RPS6KC1: variants seen among roughly 807,000 people sequenced by gnomAD.
The protein encoded by RPS6KC1 is inactive ribosomal protein S6 kinase delta-1.
In RPS6KC1, 54 loss-of-function variants were observed where a neutral mutation model predicts 103.8. The ratio of observed to expected loss-of-function variants is 0.52; its 90% CI spans 0.42 to 0.65. RPS6KC1 has a LOEUF of 0.65. Among genes scored for constraint, RPS6KC1 ranks in the 30% least tolerant of loss-of-function variants. The pLI, the probability that RPS6KC1 is intolerant of heterozygous loss-of-function variation, is 0.00. For synonymous variants in RPS6KC1, 439 were observed against 438.7 expected, an observed-to-expected ratio of 1.00 and a Z score of -0.01; for missense variants, 1,151 against 1,253.8, an observed-to-expected ratio of 0.92 and a Z score of 1.24.
Position 213,241,095 on chromosome 1 carries a change from A to G in RPS6KC1, c.1619A>G (p.Asn540Ser), listed in dbSNP as rs770886352. 29 of 1,613,584 alleles carry G rather than the reference A, an allele frequency of 1.8e-5. No homozygotes were observed. Among genetic ancestry groups the G allele is most frequent in the Admixed American group, 8.3e-5 (5 of 59,910 alleles). The change falls in exon 11 of 15, where the codon AAT becomes AGT. Residue 540 changes from asparagine (N) to serine (S), a missense_variant. This residue lies in a region of RPS6KC1 where 959 missense variants were observed against 1,006.3 expected (regional missense o/e 0.95). Transcript: ENST00000366960. ...GAGCCCTTCATGAAGACTGAAGGGA[A>G]TGGTGTTGATACAAAAGCTATTAAA... ...NEEPFMKTEG[N>S]GVDTKAIKSF...
chr1:213,830,261 T>C, the RPS6KC1 span, among the ~76,000 whole-genome samples: 1 of 152,164 alleles, frequency 6.6e-6, no homozygotes, highest in African/African-American at 2.4e-5. Flanking sequence ...TTATGGCTCA[T>C]CATAAAGAAA....
At chr1:213,420,984 A>AAGG in the RPS6KC1 span, among the ~76,000 whole-genome samples, 1 of 152,176 alleles carries the variant, frequency 6.6e-6, no homozygotes, top group Non-Finnish European at 1.5e-5. Context: ...CCCTTCTGAT[A>AAGG]AGGACACCAG....
At chr1:213,360,614 T>C in the RPS6KC1 span, among the ~76,000 whole-genome samples, 13 of 152,188 alleles carry the variant, frequency 8.5e-5, no homozygotes, top group African/African-American at 3.1e-4. Flanking sequence ...CTGCGTTCCT[T>C]TGGAGGAGGA....
At chr1:213,281,645 G>A in the RPS6KC1 span, among the ~76,000 whole-genome samples, 230 of 152,332 alleles carry the variant, frequency 1.5e-3, no homozygotes, top group Non-Finnish European at 2.6e-3. Context: ...GGGAGCGACA[G>A]CCATCCTGAT....
In RPS6KC1 at chr1:213,151,932, C is replaced by T. The variant is rs865937205; in HGVS notation, c.836-15926C>T. 3.3e-3 allele frequency among the ~76,000 whole-genome samples: 379 copies of T among 113,592 alleles called. 10 individuals are homozygous for T. The highest frequency in any genetic ancestry group is 0.011 in the African/African-American group (301 of 28,266). 74.5% of individuals were successfully genotyped at this position (113,592 alleles called of 152,430 possible). ...GGCGGCTGGCCGGGCGGGGGGCTGA[C>T]CCCCCCACCTCCCTCCCGGATGGGG... is the stretch of plus-strand genomic sequence containing the variant. On this transcript the variant is annotated intron_variant, in intron 6 of 14. Coordinates refer to ENST00000366960, the MANE Select transcript of RPS6KC1 (RefSeq NM_012424.6).
chr1:213,214,463 G>C (rs891984138), intron 8 of RPS6KC1, among the ~76,000 whole-genome samples: 1 of 152,190 alleles, frequency 6.6e-6, no homozygotes, highest in African/African-American at 2.4e-5. Context: ...GGGCATAGCC[G>C]AACAAAAGGC....
At chr1:213,809,092 A>G in the RPS6KC1 span, among the ~76,000 whole-genome samples, 2 of 152,178 alleles carry the variant, frequency 1.3e-5, no homozygotes, top group South Asian at 4.1e-4. Flanking sequence ...ACTAAACTTT[A>G]TTATTTCTAG....
At chr1:213,436,766 T>G in the RPS6KC1 span, among the ~76,000 whole-genome samples, 1 of 152,192 alleles carries the variant, frequency 6.6e-6, no homozygotes, top group Non-Finnish European at 1.5e-5. Flanking sequence ...AAATTTTGGT[T>G]GTTTTCATAA....
chr1:213,218,358 A>G (rs550460230), intron 8 of RPS6KC1, among the ~76,000 whole-genome samples: 13 of 152,226 alleles, frequency 8.5e-5, no homozygotes, highest in Non-Finnish European at 1.6e-4. Context: ...CCACTGCTCA[A>G]TGAAATAAAA....
chr1:213,170,217 T>C (rs1487758393), intron 7 of RPS6KC1, among the ~76,000 whole-genome samples: 1 of 152,238 alleles, frequency 6.6e-6, no homozygotes, highest in Non-Finnish European at 1.5e-5. Flanking sequence ...CCTATAGGCA[T>C]ATCTATGAAG....
At chr1:213,242,375 T>G (rs767803207) in intron 11 of RPS6KC1, 78 bp downstream of exon 11, 7 of 1,495,636 alleles carry the variant, frequency 4.7e-6, no homozygotes, top group Non-Finnish European at 6.5e-6. Flanking sequence ...TATCTTGTAA[T>G]TAGTATCTTC....
intron 8 of RPS6KC1, among the ~76,000 whole-genome samples, chr1:213,229,831 G>A (rs963846837): frequency 3.3e-5 from 5 of 152,160 alleles, no homozygotes; most frequent in Non-Finnish European, 5.9e-5. Flanking sequence ...AACCCTGGCC[G>A]CTGTTTTGAG....
chr1:213,716,990 T>C, the RPS6KC1 span, among the ~76,000 whole-genome samples: 2 of 152,236 alleles, frequency 1.3e-5, no homozygotes, highest in South Asian at 2.1e-4. Flanking sequence ...CCAAAATTTA[T>C]AGGCTCAGAA....
At chr1:213,562,391 T>G in the RPS6KC1 span, among the ~76,000 whole-genome samples, 3 of 53,358 alleles carry the variant, frequency 5.6e-5, no homozygotes, top group South Asian at 8.2e-4. Flanking sequence ...TTTTTTTTTT[T>G]TTTTTTTTTT....
chr1:213,503,489 A>G, the RPS6KC1 span, among the ~76,000 whole-genome samples: 4 of 152,276 alleles, frequency 2.6e-5, no homozygotes, highest in South Asian at 2.1e-4. Context: ...TGTAGCAGTC[A>G]CTGCTGTCTC....
At chr1:213,743,171 T>TGTGG in the RPS6KC1 span, among the ~76,000 whole-genome samples, 3 of 151,694 alleles carry the variant, frequency 2.0e-5, no homozygotes. Context: ...ATAAAGAAAA[T>TGTGG]GTGGTACATC....
Position 213,070,993 on chromosome 1 carries a change from T to C in RPS6KC1, c.106-13T>C. The C allele has an allele frequency of 6.7e-7, 1 of 1,488,096 alleles. No homozygotes were observed. The highest frequency in any genetic ancestry group is 2.4e-5 in the East Asian group (1 of 42,290). 92.2% of individuals were successfully genotyped at this position (1,488,096 alleles called of 1,614,324 possible). A position where few individuals can be genotyped will look rare whatever the true frequency, so the allele number is the denominator to read the frequency against. Reference sequence around the variant, plus strand: ...GATAATGATTAGAGATTTCTATGTATGTTTTGTTTTAGGTTGTTTCACGAA... The same window carrying C: ...GATAATGATTAGAGATTTCTATGTACGTTTTGTTTTAGGTTGTTTCACGAA... On this transcript the variant is annotated splice_polypyrimidine_tract_variant and intron_variant, in intron 1 of 14. Coordinates refer to ENST00000366960, the MANE Select transcript of RPS6KC1 (RefSeq NM_012424.6).
chr1:213,358,424 G>A, the RPS6KC1 span, among the ~76,000 whole-genome samples: 368 of 152,332 alleles, frequency 2.4e-3, 2 homozygotes, highest in African/African-American at 8.6e-3. Context: ...TTTGCATAGA[G>A]GTGTTTATAG....
At chr1:213,771,103 C>T in the RPS6KC1 span, among the ~76,000 whole-genome samples, 1 of 148,364 alleles carries the variant, frequency 6.7e-6, no homozygotes, top group South Asian at 2.2e-4. Flanking sequence ...TTTCTTTGTT[C>T]CTTAGTCTCC....
Sources: gnomAD v4.1 joint callset for allele counts (sites outside exome capture counted in the v4.1 genomes callset) on GRCh38, gnomAD v4.1.1 for gene constraint, gnomAD v4.1.1 regional missense constraint, MANE v1.5 for transcripts, NCBI Gene and HGNC (gene_info 2026-07-23, HGNC 2026-07-21) for gene names.